Variants in ARHGAP26 observed in about 807,000 individuals in gnomAD.
ARHGAP26 encodes Rho GTPase activating protein 26, also known as rho GTPase-activating protein 26.
Under a neutral mutation model 104.8 loss-of-function variants are expected in ARHGAP26, and 38 were observed. The observed-to-expected ratio is 0.36, with a 90% CI of 0.28 to 0.48. The LOEUF (loss-of-function observed/expected upper bound fraction) is 0.48. Ranked by LOEUF, ARHGAP26 falls within the 20% of genes least tolerant of loss-of-function variation. The probability of loss-of-function intolerance (pLI) is 0.99; values close to 1 mark genes in which losing one functional copy is unlikely to be tolerated. For synonymous variants in ARHGAP26, 341 were observed against 340.0 expected, an observed-to-expected ratio of 1.00 and a Z score of -0.03; for missense variants, 704 against 947.9, an observed-to-expected ratio of 0.74 and a Z score of 3.38.
At chr5:143,083,692 T>C (rs957118719) in intron 17 of ARHGAP26, among the ~76,000 whole-genome samples, 2 of 152,124 alleles carry the variant, frequency 1.3e-5, no homozygotes. Context: ...AGAGATAGGG[T>C]TTCACCATGT....
At chr5:143,216,326 C>T in intron 22 of ARHGAP26, 1 of 470,412 alleles carries the variant, frequency 2.1e-6, no homozygotes, top group Non-Finnish European at 4.4e-6. Flanking sequence ...CCCCTCTTTA[C>T]AGAGCAGCGA....
intron 20 of ARHGAP26, among the ~76,000 whole-genome samples, chr5:143,163,418 T>C (rs1801509780): frequency 6.6e-6 from 1 of 150,722 alleles, no homozygotes; most frequent in Admixed American, 6.6e-5. Context: ...GTGAGTTGGG[T>C]AGAAGGAGTT....
chr5:143,045,862 G>C (rs1165737579), intron 14 of ARHGAP26, among the ~76,000 whole-genome samples: 1 of 152,206 alleles, frequency 6.6e-6, no homozygotes, highest in African/African-American at 2.4e-5. Context: ...GGCTGGGTGT[G>C]GTGGCTCACA....
intron 11 of ARHGAP26, among the ~76,000 whole-genome samples, chr5:143,012,971 A>T (rs1166970961): frequency 2.0e-5 from 3 of 151,882 alleles, no homozygotes; most frequent in Non-Finnish European, 4.4e-5. Flanking sequence ...TTCTTTTCTA[A>T]AGTAGAGGTT....
intron 17 of ARHGAP26, among the ~76,000 whole-genome samples, chr5:143,063,813 G>C (rs1056944352): frequency 7.9e-5 from 12 of 152,304 alleles, no homozygotes; most frequent in Non-Finnish European, 1.6e-4. Context: ...TGCCACAAGT[G>C]CCCTCTTGCT....
At chr5:143,187,369 G>A (rs1284088094) in intron 20 of ARHGAP26, among the ~76,000 whole-genome samples, 1 of 152,108 alleles carries the variant, frequency 6.6e-6, no homozygotes, top group Non-Finnish European at 1.5e-5. Flanking sequence ...AAGCTTCCAA[G>A]CCATTTTTTC....
intron 1 of ARHGAP26, among the ~76,000 whole-genome samples, chr5:142,867,064 G>C (rs1754415930): frequency 6.6e-6 from 1 of 152,182 alleles, no homozygotes; most frequent in African/African-American, 2.4e-5. Context: ...GACATTTCTA[G>C]GTGGTTATTT....
intron 1 of ARHGAP26, among the ~76,000 whole-genome samples, chr5:142,845,806 T>G (rs1180313050): frequency 6.6e-6 from 1 of 152,176 alleles, no homozygotes; most frequent in Non-Finnish European, 1.5e-5. Flanking sequence ...CTCTTCTTGA[T>G]AGACTAAGCT....
intron 14 of ARHGAP26, 69 bp downstream of exon 14, chr5:143,041,959 CTG>C: frequency 7.4e-7 from 1 of 1,344,034 alleles, no homozygotes; most frequent in Non-Finnish European, 1.0e-6. Flanking sequence ...GTCACCAGGT[CTG>C]TGAGTAGATA....
intron 1 of ARHGAP26, among the ~76,000 whole-genome samples, chr5:142,850,513 A>G (rs1187043139): frequency 6.6e-6 from 1 of 152,236 alleles, no homozygotes; most frequent in African/African-American, 2.4e-5. Context: ...AGAGTAAATT[A>G]GGAGTCAGAC....
At chr5:142,944,674 G>A (rs548163234) in intron 11 of ARHGAP26, among the ~76,000 whole-genome samples, 5 of 152,172 alleles carry the variant, frequency 3.3e-5, no homozygotes, top group South Asian at 4.1e-4. Flanking sequence ...TTTATTGGCC[G>A]TTTCTATTTA....
intron 1 of ARHGAP26, among the ~76,000 whole-genome samples, chr5:142,811,855 A>T (rs1474696999): frequency 6.6e-6 from 1 of 152,214 alleles, no homozygotes; most frequent in Non-Finnish European, 1.5e-5. Flanking sequence ...TGGCTTCAGT[A>T]GCACCCAACT....
intron 17 of ARHGAP26, among the ~76,000 whole-genome samples, chr5:143,106,248 T>A (rs1793999408): frequency 6.6e-6 from 1 of 152,056 alleles, no homozygotes; most frequent in African/African-American, 2.4e-5. Flanking sequence ...GATCTATTAG[T>A]GACATGTTTT....
intron 1 of ARHGAP26, among the ~76,000 whole-genome samples, chr5:142,810,368 C>G (rs1001598998): frequency 1.3e-5 from 2 of 152,170 alleles, no homozygotes; most frequent in African/African-American, 4.8e-5. Context: ...AAAGAGAGCT[C>G]TGTGTTACAG....
In ARHGAP26 at chr5:143,147,355, G is replaced by A. The variant is rs756327010; in HGVS notation, c.1962G>A (p.Val654=). The change falls in exon 20 of 23, where the codon GTG becomes GTA. Residue 654 remains valine, a synonymous_variant. Transcript: ENST00000645722. Reference sequence around the variant, plus strand: ...ACTCCAGTGACCCAGACCTGGCTGTGGTCAAACCCACCCGGCCCAACTCAC... The same window carrying A: ...ACTCCAGTGACCCAGACCTGGCTGTAGTCAAACCCACCCGGCCCAACTCAC... ...NMNSSDPDLA[V]VKPTRPNSLP... is the part of the protein sequence containing the mutation. The A allele has an allele frequency of 1.4e-5, 22 of 1,613,866 alleles. No homozygotes were observed. Among genetic ancestry groups the A allele is most frequent in the Non-Finnish European group, 1.9e-5 (22 of 1,179,908 alleles).
rs1760706085 is a variant in ARHGAP26 at position 142,903,757 on chromosome 5, T to C, written c.832+88T>C. On this transcript the variant is annotated intron_variant, in intron 8 of 22. Coordinates refer to ENST00000645722, the MANE Select transcript of ARHGAP26 (RefSeq NM_001135608.3). ...ATGTATTCAGCAGTGCCTACCTTAC[T>C]GTAGATACATGCTTGGATAACAAGA... The C allele has an allele frequency of 2.2e-6, 3 of 1,333,702 alleles. No individual in the cohort carries two copies. In the East Asian group the frequency reaches 7.6e-5, roughly 34 times the overall value. The allele number at this position is 1,333,702 out of a possible 1,614,324, so 82.6% of individuals were successfully genotyped here. A position where few individuals can be genotyped will look rare whatever the true frequency, so the allele number is the denominator to read the frequency against.
intron 1 of ARHGAP26, among the ~76,000 whole-genome samples, chr5:142,810,671 CTG>C (rs1311801586): frequency 6.6e-6 from 1 of 152,210 alleles, no homozygotes; most frequent in Non-Finnish European, 1.5e-5. Context: ...ATTTCTGAAA[CTG>C]TAGTCAATTC....
chr5:142,786,906 A>C (rs2151885768), intron 1 of ARHGAP26, among the ~76,000 whole-genome samples: 1 of 152,156 alleles, frequency 6.6e-6, no homozygotes, highest in Non-Finnish European at 1.5e-5. Flanking sequence ...TGGCCTCCCA[A>C]AGTGCTGAGA....
At chr5:142,922,853 A>G (rs939540288) in intron 10 of ARHGAP26, among the ~76,000 whole-genome samples, 1 of 151,936 alleles carries the variant, frequency 6.6e-6, no homozygotes, top group Non-Finnish European at 1.5e-5. Flanking sequence ...TTGAAATAAT[A>G]TTTTATTTTG....
Sources: gnomAD v4.1 joint callset for allele counts (sites outside exome capture counted in the v4.1 genomes callset) on GRCh38, gnomAD v4.1.1 for gene constraint, MANE v1.5 for transcripts, NCBI Gene and HGNC (gene_info 2026-07-23, HGNC 2026-07-21) for gene names.